SYNE3: variants seen among roughly 807,000 people sequenced by gnomAD.
SYNE3 encodes the protein nesprin-3.
Under a neutral mutation model 111.2 loss-of-function variants are expected in SYNE3, and 100 were observed. The observed-to-expected ratio is 0.90, with a 90% CI of 0.77 to 1.06. SYNE3 has a LOEUF of 1.06. SYNE3 is among the 50% of genes least tolerant of loss of function. The probability of loss-of-function intolerance (pLI) is 0.00; values close to 1 mark genes in which losing one functional copy is unlikely to be tolerated. For missense variants in SYNE3, 1,160 were observed against 1,240.3 expected (o/e 0.94, Z 0.97); for synonymous variants, 547 against 533.9 (o/e 1.02, Z -0.34).
intron 1 of SYNE3, among the ~76,000 whole-genome samples, chr14:95,501,570 C>T (rs1465956554): frequency 2.0e-5 from 3 of 152,104 alleles, no homozygotes; most frequent in East Asian, 1.9e-4. Flanking sequence ...CAAACAGGCC[C>T]GATTAGGGAG....
rs2139481637 is a variant in SYNE3 at position 95,467,701 on chromosome 14, G to A, written c.317+94C>T. On this transcript the variant is annotated intron_variant, in intron 3 of 17. Transcript: ENST00000682763. ...TCCTGTCCCCCAGAATCCCAGGACTGGAGAAATGTCTCTTGGGCAGAGGGC... is the reference window on the plus strand; with the variant it reads ...TCCTGTCCCCCAGAATCCCAGGACTAGAGAAATGTCTCTTGGGCAGAGGGC... The A allele has an allele frequency of 7.5e-6, 11 of 1,461,058 alleles. No individual in the cohort carries two copies. The South Asian group carries it at 1.2e-4, about 16-fold the overall frequency. The allele number at this position is 1,461,058 out of a possible 1,614,324, so 90.5% of individuals were successfully genotyped here.
intron 4 of SYNE3, among the ~76,000 whole-genome samples, chr14:95,458,754 C>T (rs1887615442): frequency 6.6e-6 from 1 of 152,238 alleles, no homozygotes; most frequent in Admixed American, 6.5e-5. Context: ...CAGGGTCTAG[C>T]TCAGGGCACG....
Position 95,470,965 on chromosome 14 carries a change from G to A in SYNE3, c.145-2998C>T, listed in dbSNP as rs552714327. Among the ~76,000 whole-genome samples the A allele has an allele frequency of 1.1e-3, 170 of 149,672 alleles. No individual in the cohort carries two copies. Among genetic ancestry groups the A allele is most frequent in the African/African-American group, 3.9e-3 (160 of 40,592 alleles). On this transcript the variant is annotated intron_variant, in intron 2 of 17. Coordinates refer to ENST00000682763, the MANE Select transcript of SYNE3 (RefSeq NM_152592.6). This position sits in a 1 kb window ranked among gnomAD's most constrained non-coding sequence, Gnocchi z 4.2. ...ACTGCACTCCAGCCTGGGCAACAGAGCAACACGCCGTCTCAGGAAAAAAAA... is the reference window on the plus strand; with the variant it reads ...ACTGCACTCCAGCCTGGGCAACAGAACAACACGCCGTCTCAGGAAAAAAAA...
chr14:95,449,611 T>G (rs1043132273), intron 8 of SYNE3: 5 of 985,438 alleles, frequency 5.1e-6, no homozygotes, highest in Non-Finnish European at 6.0e-6. Flanking sequence ...TTCTTGCCAC[T>G]TGGAGCTGCA....
At chr14:95,495,315 T>C (rs1890042288) in intron 1 of SYNE3, among the ~76,000 whole-genome samples, 3 of 152,180 alleles carry the variant, frequency 2.0e-5, no homozygotes, top group Admixed American at 2.0e-4. Flanking sequence ...CCTTGGACAA[T>C]GCTGTTTGAC....
intron 6 of SYNE3, among the ~76,000 whole-genome samples, chr14:95,454,956 G>A (rs1887318465): frequency 6.6e-6 from 1 of 152,076 alleles, no homozygotes; most frequent in Non-Finnish European, 1.5e-5. Context: ...GCCTCCTAAA[G>A]GCCCATGTTT....
At position 95,418,003 on chromosome 14, in the gene SYNE3, G is replaced by T; in HGVS notation, c.2751C>A (p.Gly917=). ...CACAGCACGCCCTCCGGAAGAGGGA[G>T]CCCAGTCCTCGCCACCGCCGAGTCT... The part of the protein sequence containing the change: ...FQKTRRWRGL[G]SLFRRACCVA... The change falls in exon 18 of 18, where the codon GGC becomes GGA. Residue 917 remains glycine (G), a synonymous_variant. Transcript: ENST00000682763. The T allele has an allele frequency of 6.2e-7, 1 of 1,611,420 alleles. No individual in the cohort carries two copies.
At chr14:95,431,852 G>A (rs149485042) in intron 17 of SYNE3, among the ~76,000 whole-genome samples, 76 of 152,318 alleles carry the variant, frequency 5.0e-4, no homozygotes, top group South Asian at 1.5e-3. Context: ...CTGTCCCAGC[G>A]GAGGACTCTG....
At chr14:95,461,401 T>G (rs1330886298) in intron 4 of SYNE3, among the ~76,000 whole-genome samples, 1 of 152,222 alleles carries the variant, frequency 6.6e-6, no homozygotes, top group Non-Finnish European at 1.5e-5. Context: ...CAGCCTGCCC[T>G]GTCTACATTT....
At chr14:95,497,055 T>G (rs1302015010) in intron 1 of SYNE3, among the ~76,000 whole-genome samples, 2 of 152,216 alleles carry the variant, frequency 1.3e-5, no homozygotes, top group South Asian at 4.1e-4. Context: ...GCTGGAAGAT[T>G]AGGGCCAATT....
intron 8 of SYNE3, among the ~76,000 whole-genome samples, chr14:95,448,511 A>G (rs1050989358): frequency 6.6e-6 from 1 of 151,900 alleles, no homozygotes; most frequent in Non-Finnish European, 1.5e-5. Context: ...ACATGATGAA[A>G]CCCCGTCTCT....
Position 95,475,827 on chromosome 14 carries a change from C to A in SYNE3, c.-6G>T. ...TCCTGGGGCTGCTGAGTCATGGCAC[C>A]TGCAGGGGCTGAAGAAAGGGCCACA... On this transcript the variant is annotated 5_prime_UTR_variant, in exon 2 of 18. The change creates a new upstream start codon in the 5' untranslated region. Transcript: ENST00000682763. 1 of 1,528,344 alleles carries A rather than the reference C, an allele frequency of 6.5e-7. No individual in the cohort carries two copies. Among genetic ancestry groups the A allele is most frequent in the East Asian group, 2.4e-5 (1 of 42,314 alleles). The allele number at this position is 1,528,344 out of a possible 1,614,324, so 94.7% of individuals were successfully genotyped here.
At chr14:95,479,859 G>A (rs992715952) in intron 1 of SYNE3, among the ~76,000 whole-genome samples, 1 of 152,140 alleles carries the variant, frequency 6.6e-6, no homozygotes, top group African/African-American at 2.4e-5. Context: ...GTAGGAGACA[G>A]CTCCAGGCCA....
chr14:95,438,809 G>A, intron 14 of SYNE3: 1 of 544,070 alleles, frequency 1.8e-6, no homozygotes, highest in East Asian at 3.1e-5. Context: ...TACTGCCCTG[G>A]TGGCCTGGCT....
At chr14:95,496,365 C>T (rs1018435598) in intron 1 of SYNE3, among the ~76,000 whole-genome samples, 6 of 152,202 alleles carry the variant, frequency 3.9e-5, no homozygotes, top group Admixed American at 1.3e-4. Flanking sequence ...TCCCCTGATC[C>T]CTCCACTCCA....
chr14:95,454,885 G>A (rs1457999876), intron 6 of SYNE3, among the ~76,000 whole-genome samples: 2 of 152,314 alleles, frequency 1.3e-5, no homozygotes, highest in African/African-American at 4.8e-5. Context: ...GGGAGCCTCT[G>A]ATGGGATGTC....
In SYNE3 at chr14:95,436,950, T is replaced by C. The variant is rs1235208740; in HGVS notation, c.2408A>G (p.His803Arg). 3 of 1,612,708 alleles carry C rather than the reference T, an allele frequency of 1.9e-6. No individual in the cohort carries two copies. Among genetic ancestry groups the C allele is most frequent in the Non-Finnish European group, 2.5e-6 (3 of 1,179,574 alleles). ...ANLLQEEEGS[H>R]EDFSQLLRNF... ...CCTCAGGAGCTGGGAGAAATCTTCATGGCTCCCTTCTTCTTCCTGTAGAAG... is the reference window on the plus strand; with the variant it reads ...CCTCAGGAGCTGGGAGAAATCTTCACGGCTCCCTTCTTCTTCCTGTAGAAG... The change falls in exon 15 of 18, where the codon CAT becomes CGT. Residue 803 changes from histidine to arginine, a missense_variant. Physicochemically the swap from His to Arg is conservative, Grantham distance 29 (BLOSUM62 0). Coordinates refer to ENST00000682763, the MANE Select transcript of SYNE3 (RefSeq NM_152592.6).
rs1221179102 is a variant in SYNE3 at position 95,409,690 on chromosome 14, C to T, written c.*8136G>A. On this transcript the variant is annotated 3_prime_UTR_variant, in exon 18 of 18. Coordinates refer to ENST00000682763, the MANE Select transcript of SYNE3 (RefSeq NM_152592.6). ...TTTAATGTTCTTTTAGAAACAAATTCCTCCTTGTTCTTACTTTGAAAAACA... is the reference window on the plus strand; with the variant it reads ...TTTAATGTTCTTTTAGAAACAAATTTCTCCTTGTTCTTACTTTGAAAAACA... The T allele has an allele frequency of 3.3e-6, 1 of 305,892 alleles. No individual in the cohort carries two copies. Among genetic ancestry groups the T allele is most frequent in the African/African-American group, 2.2e-5 (1 of 46,060 alleles). 18.9% of individuals were successfully genotyped at this position (305,892 alleles called of 1,614,324 possible).
At chr14:95,457,419 G>GGTGTGT (rs36203973) in intron 4 of SYNE3, 81 bp from the exon 5 acceptor site, 8 of 1,400,686 alleles carry the variant, frequency 5.7e-6, no homozygotes, top group Non-Finnish European at 5.8e-6. Flanking sequence ...AGCCTGCCTG[G>GGTGTGT]GTGTGTGTGT....
Sources: gnomAD v4.1 joint callset for allele counts (sites outside exome capture counted in the v4.1 genomes callset) on GRCh38, gnomAD v4.1.1 for gene constraint, Gnocchi (gnomAD v3.1) non-coding constraint, MANE v1.5 for transcripts, NCBI Gene and HGNC (gene_info 2026-07-23, HGNC 2026-07-21) for gene names.